The following SPINK7 variants were observed in gnomAD, a reference collection of about 807,000 sequenced individuals.
SPINK7 encodes serine protease inhibitor Kazal-type 7.
Under a neutral mutation model 11.6 loss-of-function variants are expected in SPINK7, and 8 were observed. The observed-to-expected ratio is 0.69, with a 90% CI of 0.41 to 1.25. The LOEUF is 1.25. Ranked by LOEUF, SPINK7 falls within the 50% of genes most tolerant of loss-of-function variation. The pLI is 0.01. For synonymous variants in SPINK7, 38 were observed against 35.3 expected, an observed-to-expected ratio of 1.08 and a Z score of -0.27; for missense variants, 113 against 99.3, an observed-to-expected ratio of 1.14 and a Z score of -0.58.
At position 148,314,190 on chromosome 5, in the gene SPINK7, T is replaced by A; in HGVS notation, c.178T>A (p.Tyr60Asn). The change falls in exon 3 of 4, where the codon TAT (tyrosine) becomes AAT (asparagine). Residue 60 changes from tyrosine (Y) to asparagine (N), a missense_variant. Physicochemically the swap from Tyr to Asn is moderately radical, Grantham distance 143. Transcript: ENST00000274565. ...AGTTTGTGGTTCTGACTACATCACC[T>A]ATGGGAATGAATGTCACTTGTGTAC... ...LPVCGSDYITYGNECHLCTES... is the reference protein window; with the variant it reads ...LPVCGSDYITNGNECHLCTES... 1 of 1,613,748 alleles carries A rather than the reference T, an allele frequency of 6.2e-7. No individual in the cohort carries two copies. Among genetic ancestry groups the A allele is most frequent in the Non-Finnish European group, 8.5e-7 (1 of 1,179,734 alleles).
intron 3 of SPINK7, chr5:148,314,612 A>T (rs533816543): frequency 5.2e-6 from 1 of 191,880 alleles, no homozygotes; most frequent in South Asian, 1.4e-4. Context: ...TATTTTAAGT[A>T]GTGGAGTGCC....
rs1330598407 is a variant in SPINK7, at chr5:148,312,489, G to T, written c.6G>T (p.Lys2Asn). ...ACACCACAGCCATTTCCAGCATGAA[G>T]ATCACTGGGGGTCTCCTTCTGCTCT... M[K>N]ITGGLLLLCT... Residue 2 changes from lysine (K) to asparagine (N), a missense_variant, in exon 1 of 4, where the codon AAG (lysine) becomes AAT (asparagine). Coordinates refer to ENST00000274565, the MANE Select transcript of SPINK7 (RefSeq NM_032566.3). The T allele has an allele frequency of 3.1e-6, 5 of 1,611,040 alleles. No homozygotes were observed. The highest frequency in any genetic ancestry group is 3.4e-6 in the Non-Finnish European group (4 of 1,177,374).
At position 148,313,390 on chromosome 5, in the gene SPINK7, T is replaced by G. The variant is rs199509556; in HGVS notation, c.78T>G (p.Ser26=). Reference sequence around the variant, plus strand: ...CTTTTTCAGAAGCTGCTAGTCTGTCTCCAAAAAAAGTAAGTATGTTGAATA... The same window carrying G: ...CTTTTTCAGAAGCTGCTAGTCTGTCGCCAAAAAAAGTAAGTATGTTGAATA... ...FCSSSEAASL[S]PKKVDCSIYK... is the part of the protein sequence containing the mutation. The change falls in exon 2 of 4, where the codon TCT becomes TCG. Residue 26 remains serine, a synonymous_variant. Coordinates refer to ENST00000274565, the MANE Select transcript of SPINK7 (RefSeq NM_032566.3). 1.3e-5 allele frequency: 21 copies of G among 1,601,828 alleles called. No homozygotes were observed. Among genetic ancestry groups the G allele is most frequent in the Non-Finnish European group, 1.7e-5 (20 of 1,171,906 alleles).
rs1409173292 is a variant in SPINK7 at position 148,314,191 on chromosome 5, A to G, written c.179A>G (p.Tyr60Cys). ...LPVCGSDYITYGNECHLCTES... is the reference protein window; with the variant it reads ...LPVCGSDYITCGNECHLCTES... ...GTTTGTGGTTCTGACTACATCACCT[A>G]TGGGAATGAATGTCACTTGTGTACC... Residue 60 changes from tyrosine to cysteine, a missense_variant, in exon 3 of 4, where the codon TAT becomes TGT. Coordinates refer to ENST00000274565, the MANE Select transcript of SPINK7 (RefSeq NM_032566.3). The G allele has an allele frequency of 2.5e-6, 4 of 1,613,636 alleles. No homozygotes were observed. In the African/African-American group the frequency reaches 4.0e-5, roughly 16 times the overall value.
intron 3 of SPINK7, 135 bp downstream of exon 3, chr5:148,314,359 G>T: frequency 1.0e-6 from 1 of 1,002,840 alleles, no homozygotes; most frequent in Non-Finnish European, 1.5e-6. Flanking sequence ...AGCAGGTGGG[G>T]ATAGAAAACT....
intron 3 of SPINK7, 146 bp downstream of exon 3, chr5:148,314,370 G>A: frequency 2.3e-6 from 2 of 888,648 alleles, no homozygotes. Context: ...ATAGAAAACT[G>A]ACTGTTGCAC....
rs951525173 is a variant in SPINK7 at position 148,315,793 on chromosome 5, A to C, written c.*109A>C. ...TTTACTGATGTTCTGGGTGGGGGAC[A>C]GAGCCAGATTCAGAGTAATCTTGAC... is the stretch of plus-strand genomic sequence containing the variant. On this transcript the variant is annotated 3_prime_UTR_variant, in exon 4 of 4. Transcript: ENST00000274565. The C allele has an allele frequency of 3.1e-5, 21 of 680,400 alleles. No homozygotes were observed. The highest frequency in any genetic ancestry group is 3.0e-4 in the African/African-American group (17 of 56,626). The allele number at this position is 680,400 out of a possible 1,614,324, so 42.1% of individuals were successfully genotyped here.
At chr5:148,313,600 G>T in intron 2 of SPINK7, 2 of 425,056 alleles carry the variant, frequency 4.7e-6, no homozygotes, top group Non-Finnish European at 4.2e-6. Flanking sequence ...TTTTAAAAAT[G>T]CCAGAGTTAA....
chr5:148,313,418 A>G lies in SPINK7; in HGVS notation c.87+19A>G. The stretch of plus-strand genomic sequence containing the variant: ...AAAAAAAGTAAGTATGTTGAATAAC[A>G]TTTTAATGTCAATAACTATTGACTG... On this transcript the variant is annotated intron_variant, in intron 2 of 3. Transcript: ENST00000274565. 1 of 1,566,166 alleles carries G rather than the reference A, an allele frequency of 6.4e-7. No individual in the cohort carries two copies. Among genetic ancestry groups the G allele is most frequent in the Non-Finnish European group, 8.8e-7 (1 of 1,139,944 alleles).
intron 2 of SPINK7, chr5:148,313,794 T>A (rs897150760): frequency 1.3e-5 from 6 of 474,256 alleles, no homozygotes; most frequent in Non-Finnish European, 2.2e-5. Flanking sequence ...AATTTTCACA[T>A]TTGTAAAGAG....
chr5:148,314,050 T>G (rs762707790), intron 2 of SPINK7, 50 bp from the exon 3 acceptor site: 1 of 1,611,276 alleles, frequency 6.2e-7, no homozygotes, highest in East Asian at 2.2e-5. Context: ...AATAGTGGCC[T>G]AGCTTGGGGT....
chr5:148,314,255 T>C, intron 3 of SPINK7, 31 bp downstream of exon 3: 2 of 1,611,694 alleles, frequency 1.2e-6, no homozygotes, highest in Non-Finnish European at 1.7e-6. Flanking sequence ...AAATGAGATC[T>C]GGAGTCAGTG....
At chr5:148,313,792 C>T (rs1007574421) in intron 2 of SPINK7, 10 of 465,868 alleles carry the variant, frequency 2.1e-5, no homozygotes, top group Non-Finnish European at 3.8e-5. Context: ...TTAATTTTCA[C>T]ATTTGTAAAG....
In SPINK7 at chr5:148,313,401, T is replaced by G; in HGVS notation, c.87+2T>G. 1 of 1,596,852 alleles carries G rather than the reference T, an allele frequency of 6.3e-7. No homozygotes were observed. Among genetic ancestry groups the G allele is most frequent in the East Asian group, 2.3e-5 (1 of 44,406 alleles). On this transcript the variant is annotated splice_donor_variant, in intron 2 of 3. Transcript: ENST00000274565. LOFTEE classifies it high-confidence loss of function. ...GCTGCTAGTCTGTCTCCAAAAAAAG[T>G]AAGTATGTTGAATAACATTTTAATG...
At position 148,315,858 on chromosome 5, in the gene SPINK7, G is replaced by T; in HGVS notation, c.*174G>T. On this transcript the variant is annotated 3_prime_UTR_variant, in exon 4 of 4. Transcript: ENST00000274565. ...TTCTGTGCTACCCCTACAAACCCAT[G>T]CCTCACTGACAGACCAGCATTTTTT... 1 of 438,238 alleles carries T rather than the reference G, an allele frequency of 2.3e-6. No individual in the cohort carries two copies. The allele number at this position is 438,238 out of a possible 1,614,324, so 27.1% of individuals were successfully genotyped here.
rs2303056 is a variant in SPINK7 at position 148,313,404 on chromosome 5, G to A, written c.87+5G>A. 20 of 1,589,874 alleles carry A rather than the reference G, an allele frequency of 1.3e-5. No homozygotes were observed. The highest frequency in any genetic ancestry group is 1.5e-5 in the Non-Finnish European group (17 of 1,161,796). On this transcript the variant is annotated splice_donor_5th_base_variant and intron_variant, in intron 2 of 3. Coordinates refer to ENST00000274565, the MANE Select transcript of SPINK7 (RefSeq NM_032566.3). ...GCTAGTCTGTCTCCAAAAAAAGTAA[G>A]TATGTTGAATAACATTTTAATGTCA...
At chr5:148,314,661 AC>A (rs1443017383) in intron 3 of SPINK7, among the ~76,000 whole-genome samples, 1 of 151,892 alleles carries the variant, frequency 6.6e-6, no homozygotes, top group South Asian at 2.1e-4. Context: ...CTGAATCCCC[AC>A]CCCCCATAAA....
chr5:148,312,795 C>T (rs1187535478), intron 1 of SPINK7, among the ~76,000 whole-genome samples: 3 of 152,010 alleles, frequency 2.0e-5, no homozygotes, highest in African/African-American at 7.2e-5. Context: ...TTTCTATGTT[C>T]ATATGGACAC....
intron 2 of SPINK7, 42 bp downstream of exon 2, chr5:148,313,441 C>CATTAAAA: frequency 6.8e-7 from 1 of 1,461,374 alleles, no homozygotes; most frequent in Non-Finnish European, 9.5e-7. Flanking sequence ...TAACTATTGA[C>CATTAAAA]TGTCATTTAG....
Sources: gnomAD v4.1 joint callset for allele counts (sites outside exome capture counted in the v4.1 genomes callset) on GRCh38, gnomAD v4.1.1 for gene constraint, MANE v1.5 for transcripts, NCBI Gene and HGNC (gene_info 2026-07-23, HGNC 2026-07-21) for gene names.